The following SUPT5H variants were observed in gnomAD, a reference collection of about 807,000 sequenced individuals.
The protein encoded by SUPT5H is SPT5 homolog, DSIF elongation factor subunit.
A neutral mutation model predicts 142.5 loss-of-function variants in SUPT5H; 24 were observed. That is an observed-to-expected ratio of 0.17 (90% CI 0.12 to 0.24). The LOEUF (loss-of-function observed/expected upper bound fraction) is 0.24. Among genes scored for constraint, SUPT5H ranks in the 10% least tolerant of loss-of-function variants. The pLI is 1.00. For synonymous variants in SUPT5H, 546 were observed against 553.0 expected (o/e 0.99, Z 0.18); for missense variants, 893 against 1,471.8 (o/e 0.61, Z 6.43).
chr19:39,454,057 A>T (rs1318723202), intron 3 of SUPT5H, among the ~76,000 whole-genome samples: 1 of 152,192 alleles, frequency 6.6e-6, no homozygotes, highest in African/African-American at 2.4e-5. Context: ...AGGTAATAAG[A>T]CTTTGTAGGT....
chr19:39,454,240 A>T (rs1182877413), intron 3 of SUPT5H, among the ~76,000 whole-genome samples: 3 of 152,144 alleles, frequency 2.0e-5, no homozygotes, highest in African/African-American at 7.2e-5. Flanking sequence ...TGAAAATAGG[A>T]GCTGTAGTTT....
Position 39,474,000 on chromosome 19 carries a change from C to T in SUPT5H, c.2530C>T (p.Pro844Ser), listed in dbSNP as rs2079364335. The T allele has an allele frequency of 1.9e-6, 3 of 1,613,858 alleles. No homozygotes were observed. Among genetic ancestry groups the T allele is most frequent in the Non-Finnish European group, 2.5e-6 (3 of 1,179,924 alleles). ...EEYEYAFDDE[P>S]TPSPQAYGGT... ...ATATGAGTATGCTTTCGATGATGAG[C>T]CCACCCCGTCCCCGCAGGCCTATGG... Residue 844 changes from proline (P) to serine (S), a missense_variant, in exon 26 of 30, where the codon CCC (proline) becomes TCC (serine). By Grantham distance (74) the Pro-to-Ser change is moderately conservative (BLOSUM62 -1). Coordinates refer to ENST00000432763, the MANE Select transcript of SUPT5H (RefSeq NM_001111020.3). The surrounding 1 kb of genome is among the most constrained non-coding windows in gnomAD (Gnocchi z 5.8).
rs2146136132 is a variant in SUPT5H, at chr19:39,476,415, T to C, written c.*16T>C. Reference sequence around the variant, plus strand: ...GGAAGCCTGAAGCAGGCAGGGCCGGTGGACTTCGTCGGATGAAGAGTGATC... The same window carrying C: ...GGAAGCCTGAAGCAGGCAGGGCCGGCGGACTTCGTCGGATGAAGAGTGATC... On this transcript the variant is annotated 3_prime_UTR_variant, in exon 30 of 30. Transcript: ENST00000432763. The C allele has an allele frequency of 6.2e-7, 1 of 1,613,774 alleles. No individual in the cohort carries two copies.
rs545802127 is a variant in SUPT5H, at chr19:39,465,581, G to C, written c.876+532G>C. On this transcript the variant is annotated intron_variant, in intron 11 of 29. Coordinates refer to ENST00000432763, the MANE Select transcript of SUPT5H (RefSeq NM_001111020.3). ...TCTGGAGACATTTTTGGTTATGTCAGCTGGGGAGGGGGTTGACGATTATGG... is the reference window on the plus strand; with the variant it reads ...TCTGGAGACATTTTTGGTTATGTCACCTGGGGAGGGGGTTGACGATTATGG... 2.0e-5 allele frequency among the ~76,000 whole-genome samples: 3 copies of C among 152,352 alleles called. No homozygotes were observed. In the South Asian group the frequency reaches 6.2e-4, roughly 32 times the overall value.
Position 39,466,494 on chromosome 19 carries a change from G to A in SUPT5H, c.891G>A (p.Glu297=), listed in dbSNP as rs2079238221. The stretch of plus-strand genomic sequence containing the variant: ...GCCCTGCTCAGGTGGACTACGTGGA[G>A]CCCAGCCAGAACACCATCTCCCTGA... ...KDDIAQVDYV[E]PSQNTISLKM... is the part of the protein sequence containing the mutation. The change falls in exon 12 of 30, where the codon GAG becomes GAA. Residue 297 remains glutamate (E), a synonymous_variant. Transcript: ENST00000432763. This position sits in a 1 kb window ranked among gnomAD's most constrained non-coding sequence, Gnocchi z 4.3. 1 of 1,613,938 alleles carries A rather than the reference G, an allele frequency of 6.2e-7. No homozygotes were observed.
chr19:39,451,812 A>G (rs1271899311), intron 2 of SUPT5H, among the ~76,000 whole-genome samples: 1 of 152,168 alleles, frequency 6.6e-6, no homozygotes, highest in Non-Finnish European at 1.5e-5. Context: ...GATTACAGGC[A>G]TGAGCCACTG....
chr19:39,472,677 A>G lies in SUPT5H; in HGVS notation c.2036-133A>G. The G allele has an allele frequency of 1.4e-6, 2 of 1,441,818 alleles. No individual in the cohort carries two copies. Among genetic ancestry groups the G allele is most frequent in the South Asian group, 2.7e-5 (2 of 72,958 alleles). 89.3% of individuals were successfully genotyped at this position (1,441,818 alleles called of 1,614,324 possible). A position where few individuals can be genotyped will look rare whatever the true frequency, so the allele number is the denominator to read the frequency against. On this transcript the variant is annotated intron_variant, in intron 21 of 29. Transcript: ENST00000432763. This position sits in a 1 kb window ranked among gnomAD's most constrained non-coding sequence, Gnocchi z 4.2. The stretch of plus-strand genomic sequence containing the variant: ...TGGTCAGGGCTTCCATAGGAAAGCC[A>G]TGGGGCAGGGGTGGGCAGAGGAGGC...
chr19:39,450,449 G>A (rs183054666), intron 2 of SUPT5H, among the ~76,000 whole-genome samples: 13 of 152,282 alleles, frequency 8.5e-5, no homozygotes, highest in Non-Finnish European at 1.8e-4. Flanking sequence ...GCCCAGAGGG[G>A]ACTTTTTATA....
chr19:39,471,128 T>C (rs1263245734), intron 18 of SUPT5H, among the ~76,000 whole-genome samples: 1 of 152,010 alleles, frequency 6.6e-6, no homozygotes. Context: ...CAATCGGGGG[T>C]GGAGTCTCCT....
In SUPT5H at chr19:39,469,880, C is replaced by T. The variant is rs1489944865; in HGVS notation, c.1375-239C>T. On this transcript the variant is annotated intron_variant, in intron 16 of 29. Transcript: ENST00000432763. This position sits in a 1 kb window ranked among gnomAD's most constrained non-coding sequence, Gnocchi z 5.1. ...TCTCTGTGTGGGTATAGGTAGGCAT[C>T]GTGTGTCTTGAGGGCGGGCTGGGGT... 10 of 533,110 alleles carry T rather than the reference C, an allele frequency of 1.9e-5. No individual in the cohort carries two copies. In the East Asian group the frequency reaches 3.4e-4, roughly 18 times the overall value. The allele number at this position is 533,110 out of a possible 1,614,324, so 33.0% of individuals were successfully genotyped here.
At chr19:39,453,812 G>T (rs563786827) in intron 3 of SUPT5H, among the ~76,000 whole-genome samples, 3 of 152,100 alleles carry the variant, frequency 2.0e-5, no homozygotes, top group South Asian at 2.1e-4. Flanking sequence ...TGATCTGCCC[G>T]CCTTGGCCTC....
rs1420036258 is a variant in SUPT5H, at chr19:39,459,188, T to C, written c.463T>C (p.Tyr155His). 1 of 1,593,570 alleles carries C rather than the reference T, an allele frequency of 6.3e-7. No homozygotes were observed. Among genetic ancestry groups the C allele is most frequent in the Non-Finnish European group, 8.5e-7 (1 of 1,169,982 alleles). Residue 155 changes from tyrosine (Y) to histidine (H), a missense_variant, in exon 8 of 30, where the codon TAT becomes CAT. Physicochemically the swap from Tyr to His is moderately conservative, Grantham distance 83. This residue lies in a region of SUPT5H where 428 missense variants were observed against 763.5 expected (regional missense o/e 0.56). Coordinates refer to ENST00000432763, the MANE Select transcript of SUPT5H (RefSeq NM_001111020.3). ...TGACTGCCCTCCTCCCTTCAGGGTG[T>C]ATGGAGGATCTGATGAGCTCTCAGA... is the stretch of plus-strand genomic sequence containing the variant. Reference protein sequence around the residue: ...YAKSSVGETVYGGSDELSDDI... With the variant: ...YAKSSVGETVHGGSDELSDDI...
Position 39,473,022 on chromosome 19 carries a change from T to C in SUPT5H, c.2166T>C (p.Gly722=). The change falls in exon 23 of 30, where the codon GGT becomes GGC. Residue 722 remains glycine, a synonymous_variant. Coordinates refer to ENST00000432763, the MANE Select transcript of SUPT5H (RefSeq NM_001111020.3). This position sits in a 1 kb window ranked among gnomAD's most constrained non-coding sequence, Gnocchi z 5.8. ...CCTGTCCCCCTGCAGGCTACATCGG[T>C]GTGGTGAAAGATGCCACAGAGTCCA... ...ISQGPYKGYI[G]VVKDATESTA... is the part of the protein sequence containing the mutation. 6.2e-7 allele frequency: 1 copy of C among 1,613,746 alleles called. No individual in the cohort carries two copies. Among genetic ancestry groups the C allele is most frequent in the Non-Finnish European group, 8.5e-7 (1 of 1,179,828 alleles).
chr19:39,445,895 C>G lies in SUPT5H; in HGVS notation c.5C>G (p.Ser2Trp). Reference protein sequence around the residue: MSDSEDSNFSEE... With the variant: MWDSEDSNFSEE... ...CTTTCCCAGCAGCAGCGGAAGATGT[C>G]GGACAGCGAGGACAGCAACTTTTCC... The change falls in exon 2 of 30, where the codon TCG (serine) becomes TGG (tryptophan). Residue 2 changes from serine (S) to tryptophan (W), a missense_variant. Physicochemically the swap from Ser to Trp is radical, Grantham distance 177 (BLOSUM62 -3). Around this residue, in one of 6 missense-constraint regions of SUPT5H, gnomAD observed 70 missense variants for 70.5 expected, o/e 0.99. Coordinates refer to ENST00000432763, the MANE Select transcript of SUPT5H (RefSeq NM_001111020.3). The G allele has an allele frequency of 6.2e-7, 1 of 1,613,584 alleles. No individual in the cohort carries two copies. The highest frequency in any genetic ancestry group is 8.5e-7 in the Non-Finnish European group (1 of 1,179,988).
At chr19:39,452,307 G>A (rs1600696800) in intron 2 of SUPT5H, among the ~76,000 whole-genome samples, 1 of 152,138 alleles carries the variant, frequency 6.6e-6, no homozygotes, top group African/African-American at 2.4e-5. Context: ...ATGAGGACAC[G>A]TGTCATCTCT....
At chr19:39,446,525 G>A (rs543259112) in intron 2 of SUPT5H, among the ~76,000 whole-genome samples, 15 of 152,190 alleles carry the variant, frequency 9.9e-5, no homozygotes, top group Non-Finnish European at 2.1e-4. Flanking sequence ...GTGAGGGAGT[G>A]AGTCGTGGTT....
Position 39,458,183 on chromosome 19 carries a change from T to C in SUPT5H, c.308-111T>C, listed in dbSNP as rs2079115385. The C allele has an allele frequency of 4.8e-6, 7 of 1,472,072 alleles. No individual in the cohort carries two copies. Among genetic ancestry groups the C allele is most frequent in the East Asian group, 4.7e-5 (2 of 43,004 alleles). 91.2% of individuals were successfully genotyped at this position (1,472,072 alleles called of 1,614,324 possible). A position where few individuals can be genotyped will look rare whatever the true frequency, so the allele number is the denominator to read the frequency against. ...CCCTCCCTTCCCCTCCCCCAACCCATTGGTTGATTTTGCTGCTATAATTTG... is the reference window on the plus strand; with the variant it reads ...CCCTCCCTTCCCCTCCCCCAACCCACTGGTTGATTTTGCTGCTATAATTTG... On this transcript the variant is annotated intron_variant, in intron 4 of 29. Coordinates refer to ENST00000432763, the MANE Select transcript of SUPT5H (RefSeq NM_001111020.3). This position sits in a 1 kb window ranked among gnomAD's most constrained non-coding sequence, Gnocchi z 4.2.
At chr19:39,451,380 G>A (rs1463609866) in intron 2 of SUPT5H, among the ~76,000 whole-genome samples, 15 of 151,154 alleles carry the variant, frequency 9.9e-5, no homozygotes, top group Admixed American at 9.2e-4. Flanking sequence ...ATTTTTAGTA[G>A]AGATGGGGTT....
rs190408211 is a variant in SUPT5H, at chr19:39,469,215, G to T, written c.1237+43G>T. On this transcript the variant is annotated intron_variant, in intron 15 of 29. Coordinates refer to ENST00000432763, the MANE Select transcript of SUPT5H (RefSeq NM_001111020.3). The surrounding 1 kb of genome is among the most constrained non-coding windows in gnomAD (Gnocchi z 5.1). ...ATAACCTGGGCCAAGGAGCAGGGGC[G>T]GCCCATGGTGGCAACCCCCGAGTCA... 6.2e-7 allele frequency: 1 copy of T among 1,614,166 alleles called. No individual in the cohort carries two copies. Among genetic ancestry groups the T allele is most frequent in the African/African-American group, 1.3e-5 (1 of 75,044 alleles).
Sources: gnomAD v4.1 joint callset for allele counts (sites outside exome capture counted in the v4.1 genomes callset) on GRCh38, gnomAD v4.1.1 for gene constraint, gnomAD v4.1.1 regional missense constraint, Gnocchi (gnomAD v3.1) non-coding constraint, MANE v1.5 for transcripts, NCBI Gene and HGNC (gene_info 2026-07-23, HGNC 2026-07-21) for gene names.